The following OAS2 variants were observed in gnomAD, a reference collection of about 807,000 sequenced individuals.
OAS2 encodes 2'-5'-oligoadenylate synthase 2.
In OAS2, 67 loss-of-function variants were observed where a neutral mutation model predicts 71.3. The ratio of observed to expected loss-of-function variants is 0.94; its 90% CI spans 0.77 to 1.15. The LOEUF is 1.15. Ranked by LOEUF, OAS2 falls within the 50% of genes most tolerant of loss-of-function variation. The pLI, the probability that OAS2 is intolerant of heterozygous loss-of-function variation, is 0.00. For synonymous variants in OAS2, 327 were observed against 321.8 expected, an observed-to-expected ratio of 1.02 and a Z score of -0.17; for missense variants, 789 against 822.5, an observed-to-expected ratio of 0.96 and a Z score of 0.50.
At chr12:112,983,369 G>A (rs2044101178) in intron 1 of OAS2, among the ~76,000 whole-genome samples, 1 of 152,124 alleles carries the variant, frequency 6.6e-6, no homozygotes, top group African/African-American at 2.4e-5. Context: ...GGGATCACAG[G>A]CATGCACCAC....
At position 112,987,128 on chromosome 12, in the gene OAS2, C is replaced by G. The variant is rs745870060; in HGVS notation, c.268C>G (p.Gln90Glu). The change falls in exon 2 of 10, where the codon CAG becomes GAG. Residue 90 changes from glutamine (Q) to glutamate (E), a missense_variant. Gln to Glu is a conservative substitution (Grantham distance 29). Transcript: ENST00000392583. ...CAGTGACTTAAAACAATTCCAGGAT[C>G]AGAAGAGAAGCCAACGTGACATCCT... ...FFSDLKQFQD[Q>E]KRSQRDILDK... 1.2e-6 allele frequency: 2 copies of G among 1,614,158 alleles called. No homozygotes were observed. The highest frequency in any genetic ancestry group is 4.5e-5 in the East Asian group (2 of 44,882).
intron 7 of OAS2, 114 bp from the exon 8 acceptor site, chr12:113,006,299 C>A: frequency 1.1e-6 from 1 of 871,930 alleles, no homozygotes; most frequent in Non-Finnish European, 1.7e-6. Flanking sequence ...TTTAAATATG[C>A]TAATACTATT....
intron 3 of OAS2, among the ~76,000 whole-genome samples, chr12:112,996,827 T>G (rs2044236906): frequency 6.6e-6 from 1 of 151,984 alleles, no homozygotes; most frequent in Admixed American, 6.5e-5. Context: ...TTGTGATGGG[T>G]GAAATGGGCG....
intron 7 of OAS2, among the ~76,000 whole-genome samples, chr12:113,005,849 C>G (rs997653684): frequency 2.0e-5 from 3 of 147,230 alleles, no homozygotes; most frequent in African/African-American, 7.7e-5. Context: ...TGTGATCATG[C>G]CACTGCACTC....
Position 113,007,897 on chromosome 12 carries a change from G to A in OAS2, c.1849G>A (p.Asp617Asn). 6.2e-7 allele frequency: 1 copy of A among 1,614,148 alleles called. No homozygotes were observed. Among genetic ancestry groups the A allele is most frequent in the South Asian group, 1.1e-5 (1 of 91,080 alleles). ...IFWKVNYNFEDETVRKFLLSQ... is the reference protein window; with the variant it reads ...IFWKVNYNFENETVRKFLLSQ... ...CTGGAAGGTCAATTACAACTTTGAA[G>A]ATGAGACCGTGAGGAAGTTTCTACT... The change falls in exon 9 of 10, where the codon GAT (aspartate) becomes AAT (asparagine). Residue 617 changes from aspartate (D) to asparagine (N), a missense_variant. Coordinates refer to ENST00000392583, the MANE Select transcript of OAS2 (RefSeq NM_002535.3).
chr12:112,990,849 T>C (rs946708111), intron 2 of OAS2, among the ~76,000 whole-genome samples: 4 of 152,026 alleles, frequency 2.6e-5, no homozygotes, highest in Non-Finnish European at 4.4e-5. Context: ...GGGAGGAGGG[T>C]ATAATGAGGT....
intron 1 of OAS2, among the ~76,000 whole-genome samples, chr12:112,984,453 G>A (rs932836451): frequency 4.6e-5 from 7 of 152,142 alleles, no homozygotes; most frequent in African/African-American, 1.7e-4. Context: ...CAGTCTATAT[G>A]TATCTTCACA....
chr12:113,007,632 G>A, intron 8 of OAS2, 73 bp from the exon 9 acceptor site: 1 of 1,234,826 alleles, frequency 8.1e-7, no homozygotes, highest in Admixed American at 1.8e-5. Flanking sequence ...CAGTTGCCTT[G>A]CTGTGGTCCC....
intron 1 of OAS2, among the ~76,000 whole-genome samples, chr12:112,985,908 G>T (rs1328461914): frequency 1.3e-5 from 2 of 152,188 alleles, no homozygotes; most frequent in African/African-American, 2.4e-5. Flanking sequence ...GGAGTTTGAG[G>T]TTACAGTGAG....
rs768999781 is a variant in OAS2 at position 113,002,945 on chromosome 12, T to C, written c.1022T>C (p.Phe341Ser). The C allele has an allele frequency of 1.2e-5, 19 of 1,613,834 alleles. No individual in the cohort carries two copies. The highest frequency in any genetic ancestry group is 6.7e-5 in the Admixed American group (4 of 60,000). The change falls in exon 6 of 10, where the codon TTC becomes TCC. Residue 341 changes from phenylalanine to serine, a missense_variant. By Grantham distance (155) the Phe-to-Ser change is radical. Coordinates refer to ENST00000392583, the MANE Select transcript of OAS2 (RefSeq NM_002535.3). ...PSWNVLPAPL[F>S]TTPGHLLDKF... ...TTCCTTCCCCAGCCTGCACCACTCTTCACGACCCCAGGCCACCTTCTGGAT... is the reference window on the plus strand; with the variant it reads ...TTCCTTCCCCAGCCTGCACCACTCTCCACGACCCCAGGCCACCTTCTGGAT...
intron 2 of OAS2, chr12:112,988,403 A>ACT: frequency 6.3e-6 from 2 of 317,352 alleles, no homozygotes; most frequent in Non-Finnish European, 9.1e-6. Flanking sequence ...AATGAAAGTG[A>ACT]GGTACAGAAA....
chr12:112,982,805 G>A (rs2044096352), intron 1 of OAS2, among the ~76,000 whole-genome samples: 1 of 152,084 alleles, frequency 6.6e-6, no homozygotes, highest in African/African-American at 2.4e-5. Context: ...ATCTAGTCCT[G>A]GGCTATTCTT....
chr12:112,989,985 G>A (rs1051592548), intron 2 of OAS2, among the ~76,000 whole-genome samples: 10 of 151,980 alleles, frequency 6.6e-5, no homozygotes, highest in Non-Finnish European at 1.3e-4. Flanking sequence ...CCTAGTCAAC[G>A]TCACCACCAG....
rs563039981 is a variant in OAS2, at chr12:113,006,276, T to C, written c.1469-137T>C. 3.5e-4 allele frequency: 236 copies of C among 665,468 alleles called. 2 individuals are homozygous for C. Among genetic ancestry groups the C allele is most frequent in the Non-Finnish European group, 4.3e-4 (187 of 432,206 alleles). The allele number at this position is 665,468 out of a possible 1,614,324, so 41.2% of individuals were successfully genotyped here. ...TATTCTGGAGATGCTCCCTGTGTCT[T>C]AGACATCAGTCTTTTAAATATGCTA... On this transcript the variant is annotated intron_variant, in intron 7 of 9. Coordinates refer to ENST00000392583, the MANE Select transcript of OAS2 (RefSeq NM_002535.3).
At chr12:112,979,346 T>TG (rs910770060) in intron 1 of OAS2, among the ~76,000 whole-genome samples, 1 of 151,916 alleles carries the variant, frequency 6.6e-6, no homozygotes, top group African/African-American at 2.4e-5. Flanking sequence ...ATTGGGGGCG[T>TG]GGGGGTCCTG....
chr12:112,988,224 C>T (rs909271322), intron 2 of OAS2: 2 of 985,100 alleles, frequency 2.0e-6, no homozygotes, highest in African/African-American at 3.5e-5. Context: ...TCATCAATAC[C>T]ACTGTTAAGA....
chr12:112,984,058 A>G (rs1016976764), intron 1 of OAS2, among the ~76,000 whole-genome samples: 2 of 152,188 alleles, frequency 1.3e-5, no homozygotes, highest in African/African-American at 4.8e-5. Flanking sequence ...AATGCAGACT[A>G]AGTCCAGTAT....
intron 8 of OAS2, 30 bp downstream of exon 8, chr12:113,006,630 G>T (rs747623149): frequency 2.0e-6 from 3 of 1,488,336 alleles, no homozygotes; most frequent in South Asian, 1.4e-5. Context: ...TGACCATGGG[G>T]TTATTATTTT....
At chr12:112,997,785 A>G in intron 4 of OAS2, 30 bp downstream of exon 4, 1 of 1,467,634 alleles carries the variant, frequency 6.8e-7, no homozygotes. Context: ...CTATCCCTGT[A>G]CCTCATCATC....
Sources: gnomAD v4.1 joint callset for allele counts (sites outside exome capture counted in the v4.1 genomes callset) on GRCh38, gnomAD v4.1.1 for gene constraint, MANE v1.5 for transcripts, NCBI Gene and HGNC (gene_info 2026-07-23, HGNC 2026-07-21) for gene names.